Variants in RALGPS1 observed in about 807,000 individuals in gnomAD.
RALGPS1 encodes the protein Ral GEF with PH domain and SH3 binding motif 1.
Under a neutral mutation model 78.8 loss-of-function variants are expected in RALGPS1, and 19 were observed. The observed-to-expected ratio is 0.24, with a 90% CI of 0.17 to 0.35. RALGPS1 has a LOEUF of 0.35. RALGPS1 is among the 10% of genes least tolerant of loss of function. RALGPS1 has a pLI of 1.00. For synonymous variants in RALGPS1, 228 were observed against 256.3 expected, an observed-to-expected ratio of 0.89 and a Z score of 1.06; for missense variants, 454 against 688.3, an observed-to-expected ratio of 0.66 and a Z score of 3.81.
At chr9:127,173,583 C>CTT (rs2059676256) in intron 10 of RALGPS1, among the ~76,000 whole-genome samples, 1 of 152,152 alleles carries the variant, frequency 6.6e-6, no homozygotes, top group Non-Finnish European at 1.5e-5. Context: ...TAGTCTCACT[C>CTT]TGTCATTTTC....
Position 127,165,270 on chromosome 9 carries a change from G to A in RALGPS1, c.611-799G>A, listed in dbSNP as rs547164926. Among the ~76,000 whole-genome samples, 17 of 152,362 alleles carry A rather than the reference G, an allele frequency of 1.1e-4. No homozygotes were observed. In the South Asian group the frequency reaches 1.2e-3, roughly 11 times the overall value. On this transcript the variant is annotated intron_variant, in intron 8 of 18. Coordinates refer to ENST00000259351, the MANE Select transcript of RALGPS1 (RefSeq NM_014636.3). ...ATCCTTGGCCCATGCACATCTCCAG[G>A]TGGTCTGAAGCTCGGCCCTGCAGCT...
intron 14 of RALGPS1, among the ~76,000 whole-genome samples, chr9:127,204,339 A>G (rs1310256961): frequency 6.6e-6 from 1 of 151,744 alleles, no homozygotes; most frequent in Non-Finnish European, 1.5e-5. Context: ...TAGCTTTTTT[A>G]TTTTCATTTT....
At chr9:127,096,911 A>C (rs1395956898) in intron 8 of RALGPS1, among the ~76,000 whole-genome samples, 1 of 152,190 alleles carries the variant, frequency 6.6e-6, no homozygotes, top group Non-Finnish European at 1.5e-5. Flanking sequence ...GTGAGGTAGG[A>C]AAGCAGACCC....
intron 1 of RALGPS1, among the ~76,000 whole-genome samples, chr9:126,943,980 A>G (rs2037015471): frequency 6.6e-6 from 1 of 152,244 alleles, no homozygotes; most frequent in African/African-American, 2.4e-5. Context: ...GAGAACTCAG[A>G]GACCCTCATT....
chr9:127,017,728 GA>G (rs2044993987), intron 4 of RALGPS1, among the ~76,000 whole-genome samples: 1 of 152,122 alleles, frequency 6.6e-6, no homozygotes, highest in East Asian at 1.9e-4. Context: ...TATTCTATAA[GA>G]TTTTTTTGTA....
intron 13 of RALGPS1, 136 bp from the exon 14 acceptor site, chr9:127,198,879 C>T (rs2061474081): frequency 8.9e-6 from 7 of 783,798 alleles, no homozygotes; most frequent in South Asian, 2.9e-5. Flanking sequence ...AACTCGAGTA[C>T]GTTGAGGCTC....
chr9:127,052,750 A>G (rs1412935398), intron 6 of RALGPS1, 97 bp from the exon 7 acceptor site: 2 of 770,570 alleles, frequency 2.6e-6, no homozygotes, highest in Non-Finnish European at 4.4e-6. Flanking sequence ...TTTAAGTGTA[A>G]TTGAATTTCA....
At chr9:127,165,647 A>G (rs1475892691) in intron 8 of RALGPS1, among the ~76,000 whole-genome samples, 2 of 152,222 alleles carry the variant, frequency 1.3e-5, no homozygotes, top group Admixed American at 6.5e-5. Flanking sequence ...AGATAGACAA[A>G]TAGACAGCTG....
intron 4 of RALGPS1, among the ~76,000 whole-genome samples, chr9:126,992,426 C>G (rs976547324): frequency 6.6e-6 from 1 of 152,190 alleles, no homozygotes; most frequent in Admixed American, 6.5e-5. Flanking sequence ...ACTCCTTCCA[C>G]TGTTCTTGAA....
chr9:127,200,268 G>A (rs912246452), intron 14 of RALGPS1, among the ~76,000 whole-genome samples: 3 of 152,218 alleles, frequency 2.0e-5, no homozygotes, highest in African/African-American at 7.2e-5. Context: ...CAGGGCAGAC[G>A]GGCTGCCTGC....
rs571987325 is a variant in RALGPS1, at chr9:127,206,986, C to T, written c.1248-5145C>T. On this transcript the variant is annotated intron_variant, in intron 14 of 18. Coordinates refer to ENST00000259351, the MANE Select transcript of RALGPS1 (RefSeq NM_014636.3). ...CGTCTCCAAGCATCAGGTTCTTTAT[C>T]TATAAGGTGGGGATAATAATAGTGC... 1.7e-4 allele frequency among the ~76,000 whole-genome samples: 26 copies of T among 152,064 alleles called. No individual in the cohort carries two copies. The South Asian group carries it at 5.4e-3, about 32-fold the overall frequency.
At chr9:127,063,693 A>G (rs1195213450) in intron 7 of RALGPS1, among the ~76,000 whole-genome samples, 2 of 152,006 alleles carry the variant, frequency 1.3e-5, no homozygotes, top group African/African-American at 4.8e-5. Flanking sequence ...TAGTTCATTT[A>G]TATTAGTTCT....
At chr9:127,119,280 G>A (rs1161536250) in intron 8 of RALGPS1, among the ~76,000 whole-genome samples, 1 of 152,232 alleles carries the variant, frequency 6.6e-6, no homozygotes, top group Non-Finnish European at 1.5e-5. Context: ...TCCATGAAGA[G>A]CAAGGGATGC....
intron 1 of RALGPS1, 142 bp from the exon 2 acceptor site, chr9:126,962,079 ATAGT>A: frequency 1.8e-6 from 1 of 570,446 alleles, no homozygotes; most frequent in South Asian, 2.2e-5. Flanking sequence ...TCTGTGGGCC[ATAGT>A]TAGCCTGAAA....
Position 127,052,986 on chromosome 9 carries a change from T to TG in RALGPS1, c.483+49dup, listed in dbSNP as rs760443286. 8.7e-5 allele frequency: 113 copies of TG among 1,293,318 alleles called. 3 individuals are homozygous for TG. In the South Asian group the frequency reaches 1.3e-3, roughly 15 times the overall value. 80.1% of individuals were successfully genotyped at this position (1,293,318 alleles called of 1,614,324 possible). A position where few individuals can be genotyped will look rare whatever the true frequency, so the allele number is the denominator to read the frequency against. ...TATCTAATTTTGGCTATCATTTCATTGGTGAAGTTCTTCATTCCACAAGCC... is the reference window on the plus strand; with the variant it reads ...TATCTAATTTTGGCTATCATTTCATTGGGTGAAGTTCTTCATTCCACAAGCC... On this transcript the variant is annotated intron_variant, in intron 7 of 18. Transcript: ENST00000259351.
chr9:127,049,740 C>T (rs1433386246), intron 5 of RALGPS1, among the ~76,000 whole-genome samples: 1 of 152,188 alleles, frequency 6.6e-6, no homozygotes, highest in Non-Finnish European at 1.5e-5. Flanking sequence ...TCAGGATTCC[C>T]AGCAACTCTT....
intron 8 of RALGPS1, among the ~76,000 whole-genome samples, chr9:127,096,222 A>C (rs2053118667): frequency 6.6e-6 from 1 of 152,106 alleles, no homozygotes; most frequent in South Asian, 2.1e-4. Flanking sequence ...GAAGGAGAAA[A>C]AGGTTTTGGT....
intron 8 of RALGPS1, among the ~76,000 whole-genome samples, chr9:127,153,702 A>G (rs946289527): frequency 7.9e-5 from 12 of 152,152 alleles, no homozygotes; most frequent in Admixed American, 5.2e-4. Flanking sequence ...TGGTCAGCAG[A>G]CATGCTTTCC....
intron 5 of RALGPS1, among the ~76,000 whole-genome samples, chr9:127,036,084 G>T (rs1197360769): frequency 2.0e-5 from 3 of 152,228 alleles, no homozygotes; most frequent in Non-Finnish European, 4.4e-5. Flanking sequence ...TGGCAAAGGC[G>T]ATGTGGCTTA....
Sources: gnomAD v4.1 joint callset for allele counts (sites outside exome capture counted in the v4.1 genomes callset) on GRCh38, gnomAD v4.1.1 for gene constraint, MANE v1.5 for transcripts, NCBI Gene and HGNC (gene_info 2026-07-23, HGNC 2026-07-21) for gene names.